NUAK1: variants seen among roughly 807,000 people sequenced by gnomAD.
NUAK1 encodes the protein NUAK family kinase 1.
A neutral mutation model predicts 56.9 loss-of-function variants in NUAK1; 26 were observed. The ratio of observed to expected loss-of-function variants is 0.46; its 90% CI spans 0.33 to 0.63. The LOEUF (loss-of-function observed/expected upper bound fraction) is 0.63, where lower values mean the gene tolerates loss of function less well. NUAK1 is among the 30% of genes least tolerant of loss of function. The pLI, the probability that NUAK1 is intolerant of heterozygous loss-of-function variation, is 0.02. For synonymous variants in NUAK1, 337 were observed against 336.0 expected, an observed-to-expected ratio of 1.00 and a Z score of -0.03; for missense variants, 727 against 876.1, an observed-to-expected ratio of 0.83 and a Z score of 2.15.
chr12:106,076,476 C>A (rs555905403), intron 4 of NUAK1, among the ~76,000 whole-genome samples: 1 of 152,202 alleles, frequency 6.6e-6, no homozygotes, highest in South Asian at 2.1e-4. Flanking sequence ...TTGACTGCTC[C>A]CCTGCCCCAT....
chr12:106,125,978 G>GGT (rs1224121039), intron 1 of NUAK1, among the ~76,000 whole-genome samples: 1 of 152,108 alleles, frequency 6.6e-6, no homozygotes, highest in Non-Finnish European at 1.5e-5. Context: ...AATCACACAA[G>GGT]GTAATTATCT....
At chr12:106,112,969 A>G (rs994681907) in intron 1 of NUAK1, among the ~76,000 whole-genome samples, 1 of 152,186 alleles carries the variant, frequency 6.6e-6, no homozygotes, top group African/African-American at 2.4e-5. Context: ...CTGTGATGAT[A>G]TTGATTTCTC....
chr12:106,111,902 TAAA>T (rs35552828), intron 1 of NUAK1, among the ~76,000 whole-genome samples: 36 of 123,330 alleles, frequency 2.9e-4, no homozygotes, highest in East Asian at 2.9e-3. Flanking sequence ...ACATAGCCTG[TAAA>T]AAAAAAAAAA....
At chr12:106,078,210 G>A (rs2374586) in intron 4 of NUAK1, among the ~76,000 whole-genome samples, 3,175 of 152,268 alleles carry the variant, frequency 0.021, 117 homozygotes, top group African/African-American at 0.073. Context: ...CAGTCTATGC[G>A]ACAGAGCAAG....
rs1440404833 is a variant in NUAK1, at chr12:106,106,459, C to G, written c.307G>C (p.Glu103Gln). ...TTGAGAGATGACATGATCTCAATCTCTCGTCTGATGTGAACCATGTCTTGT... is the reference window on the plus strand; with the variant it reads ...TTGAGAGATGACATGATCTCAATCTGTCGTCTGATGTGAACCATGTCTTGT... ...DEQDMVHIRR[E>Q]IEIMSSLNHP... The change falls in exon 2 of 7, where the codon GAG becomes CAG. Residue 103 changes from glutamate (E) to glutamine (Q), a missense_variant. Coordinates refer to ENST00000261402, the MANE Select transcript of NUAK1 (RefSeq NM_014840.3). 6.2e-7 allele frequency: 1 copy of G among 1,612,544 alleles called. No homozygotes were observed. The highest frequency in any genetic ancestry group is 8.5e-7 in the Non-Finnish European group (1 of 1,179,182).
chr12:106,137,732 C>T (rs1440590041), intron 1 of NUAK1, among the ~76,000 whole-genome samples: 5 of 152,258 alleles, frequency 3.3e-5, no homozygotes, highest in Admixed American at 3.3e-4. Flanking sequence ...ACTGAGCCTG[C>T]TGCAACTAAG....
chr12:106,133,103 A>G (rs1220844127), intron 1 of NUAK1, among the ~76,000 whole-genome samples: 1 of 152,102 alleles, frequency 6.6e-6, no homozygotes, highest in Non-Finnish European at 1.5e-5. Context: ...ATTAGCATCA[A>G]TTATTATTAT....
At chr12:106,098,408 ATTTCG>A (rs1437980743) in intron 2 of NUAK1, among the ~76,000 whole-genome samples, 2 of 152,274 alleles carry the variant, frequency 1.3e-5, no homozygotes, top group African/African-American at 4.8e-5. Flanking sequence ...GTGTTTGTCT[ATTTCG>A]TTTCTTTTCA....
In NUAK1 at chr12:106,063,396, C is replaced by T. The variant is rs1452208186; in HGVS notation, c.*3406G>A. The stretch of plus-strand genomic sequence containing the variant: ...TAAAAATAAAAACAGAAACAAAAAC[C>T]AAAATGAAACAAAAATCAGTTTCCA... On this transcript the variant is annotated 3_prime_UTR_variant, in exon 7 of 7. Transcript: ENST00000261402. The T allele has an allele frequency of 6.6e-6, 1 of 152,260 alleles. No individual in the cohort carries two copies. The highest frequency in any genetic ancestry group is 1.5e-5 in the Non-Finnish European group (1 of 67,956). 9.4% of individuals were successfully genotyped at this position (152,260 alleles called of 1,614,324 possible).
At chr12:106,081,437 C>G (rs775175650) in intron 4 of NUAK1, among the ~76,000 whole-genome samples, 2 of 152,204 alleles carry the variant, frequency 1.3e-5, no homozygotes, top group Non-Finnish European at 2.9e-5. Context: ...CACACCCGTG[C>G]TTTACCTTGG....
intron 1 of NUAK1, among the ~76,000 whole-genome samples, chr12:106,119,007 C>A (rs935518310): frequency 8.5e-5 from 13 of 152,170 alleles, no homozygotes; most frequent in African/African-American, 3.1e-4. Context: ...ATTTCTGAGT[C>A]CATCTCAGTA....
intron 1 of NUAK1, among the ~76,000 whole-genome samples, chr12:106,107,046 G>T (rs1004467763): frequency 6.6e-6 from 1 of 152,120 alleles, no homozygotes; most frequent in African/African-American, 2.4e-5. Context: ...CTGTGTTTAC[G>T]CAAGGGCTCA....
intron 4 of NUAK1, among the ~76,000 whole-genome samples, chr12:106,077,398 A>G (rs1299861355): frequency 6.6e-6 from 1 of 152,254 alleles, no homozygotes. Flanking sequence ...TATAAATTAC[A>G]GCCATTATGG....
At position 106,109,787 on chromosome 12, in the gene NUAK1, C is replaced by T. The variant is rs746698673; in HGVS notation, c.241-3262G>A. Among the ~76,000 whole-genome samples the T allele has an allele frequency of 7.0e-4, 106 of 152,176 alleles. 1 individual carries two copies. Among genetic ancestry groups the T allele is most frequent in the Non-Finnish European group, 1.2e-3 (84 of 68,016 alleles). ...TCTAGTAGAGAAATAATAGTACCTG[C>T]CTCATAGGTCCTGGTAAGGATTACA... is the stretch of plus-strand genomic sequence containing the variant. On this transcript the variant is annotated intron_variant, in intron 1 of 6. Transcript: ENST00000261402.
chr12:106,087,905 G>T (rs576292803), intron 2 of NUAK1, among the ~76,000 whole-genome samples: 20 of 152,200 alleles, frequency 1.3e-4, no homozygotes, highest in African/African-American at 4.1e-4. Flanking sequence ...AACTAATGCC[G>T]CAGGTTGCAG....
Position 106,063,423 on chromosome 12 carries a change from C to T in NUAK1, c.*3379G>A, listed in dbSNP as rs569974173. 1.0e-4 allele frequency: 16 copies of T among 152,476 alleles called. No homozygotes were observed. Among genetic ancestry groups the T allele is most frequent in the South Asian group, 4.1e-4 (2 of 4,828 alleles). 9.4% of individuals were successfully genotyped at this position (152,476 alleles called of 1,614,324 possible). On this transcript the variant is annotated 3_prime_UTR_variant, in exon 7 of 7. Transcript: ENST00000261402. The stretch of plus-strand genomic sequence containing the variant: ...AAATGAAACAAAAATCAGTTTCCAA[C>T]GAAAATACAAACACTTTGGGTGGTT...
intron 4 of NUAK1, among the ~76,000 whole-genome samples, chr12:106,080,580 G>A (rs1026082280): frequency 3.3e-5 from 5 of 152,142 alleles, no homozygotes; most frequent in African/African-American, 4.8e-5. Flanking sequence ...ACACCCTCTC[G>A]CAGTGCCAGA....
At chr12:106,087,035 G>C (rs772649241) in intron 2 of NUAK1, 150 bp from the exon 3 acceptor site, 4 of 927,116 alleles carry the variant, frequency 4.3e-6, no homozygotes, top group African/African-American at 1.6e-5. Flanking sequence ...TCAGCATCAC[G>C]AGGCGTGGGG....
Position 106,083,893 on chromosome 12 carries a change from T to C in NUAK1, c.550A>G (p.Ile184Val). The C allele has an allele frequency of 6.2e-7, 1 of 1,614,132 alleles. No homozygotes were observed. Among genetic ancestry groups the C allele is most frequent in the Non-Finnish European group, 8.5e-7 (1 of 1,180,006 alleles). ...VVHRDLKLEN[I>V]LLDDNCNIKI... is the part of the protein sequence containing the mutation. Reference sequence around the variant, plus strand: ...ATATTGCAGTTGTCATCGAGCAGTATATTTTCCAGCTTCAAGTCCCGGTGG... The same window carrying C: ...ATATTGCAGTTGTCATCGAGCAGTACATTTTCCAGCTTCAAGTCCCGGTGG... Residue 184 changes from isoleucine to valine, a missense_variant, in exon 4 of 7, where the codon ATA (isoleucine) becomes GTA (valine). Ile to Val is a conservative substitution (Grantham distance 29). Coordinates refer to ENST00000261402, the MANE Select transcript of NUAK1 (RefSeq NM_014840.3).
Sources: allele counts gnomAD v4.1 joint callset (sites outside exome capture counted in the v4.1 genomes callset), GRCh38; gene constraint gnomAD v4.1.1; transcripts MANE v1.5; gene names NCBI Gene and HGNC (gene_info 2026-07-23, HGNC 2026-07-21).